Variants in SDHAF4 observed in about 807,000 individuals in gnomAD.
The protein encoded by SDHAF4 is succinate dehydrogenase assembly factor 4, mitochondrial.
SDHAF4 carries 14 observed loss-of-function variants against 14.3 expected under a neutral mutation model. The ratio of observed to expected loss-of-function variants is 0.98; its 90% confidence interval spans 0.65 to 1.53. The LOEUF (loss-of-function observed/expected upper bound fraction) is 1.53. Ranked by LOEUF, SDHAF4 falls within the 40% of genes most tolerant of loss-of-function variation. The pLI, the probability that SDHAF4 is intolerant of heterozygous loss-of-function variation, is 0.00. For synonymous variants in SDHAF4, 63 were observed against 47.3 expected (o/e 1.33, Z -1.36); for missense variants, 141 against 129.3 (o/e 1.09, Z -0.44).
intron 1 of SDHAF4, among the ~76,000 whole-genome samples, chr6:70,569,581 A>G (rs1802154599): frequency 6.6e-6 from 1 of 152,140 alleles, no homozygotes; most frequent in Admixed American, 6.5e-5. Context: ...TATATTCTTT[A>G]CATATATTTG....
At chr6:70,595,713 G>A in the SDHAF4 span, among the ~76,000 whole-genome samples, 9 of 151,886 alleles carry the variant, frequency 5.9e-5, no homozygotes, top group Non-Finnish European at 1.3e-4. Flanking sequence ...GCGCACGCCC[G>A]TAATCCCACA....
chr6:70,586,886 C>T (rs1163765659), intron 2 of SDHAF4, among the ~76,000 whole-genome samples: 1 of 152,062 alleles, frequency 6.6e-6, no homozygotes, highest in Non-Finnish European at 1.5e-5. Flanking sequence ...AGGGGCCAGG[C>T]GGCCGGGCAC....
chr6:70,594,465 T>C (rs185237044), downstream of SDHAF4, among the ~76,000 whole-genome samples: 1 of 152,300 alleles, frequency 6.6e-6, no homozygotes, highest in African/African-American at 2.4e-5. Flanking sequence ...TAGAAACACC[T>C]GAGCTAGCAC....
intron 2 of SDHAF4, among the ~76,000 whole-genome samples, chr6:70,587,264 T>C (rs1364266550): frequency 6.6e-6 from 1 of 150,752 alleles, no homozygotes; most frequent in Non-Finnish European, 1.5e-5. Flanking sequence ...CCAAGGTGGG[T>C]GGATCATTTG....
At chr6:70,570,458 G>C (rs1802164717) in intron 1 of SDHAF4, among the ~76,000 whole-genome samples, 1 of 152,080 alleles carries the variant, frequency 6.6e-6, no homozygotes, top group South Asian at 2.1e-4. Flanking sequence ...GAGTAGCTGG[G>C]ATTACTGGTG....
chr6:70,572,788 C>T (rs535976435), intron 1 of SDHAF4, among the ~76,000 whole-genome samples: 348 of 152,044 alleles, frequency 2.3e-3, no homozygotes, highest in African/African-American at 7.7e-3. Flanking sequence ...AATTACATTC[C>T]TCTGTTCAGA....
At chr6:70,591,147 A>G (rs1277914304), downstream of SDHAF4, among the ~76,000 whole-genome samples, 7 of 152,096 alleles carry the variant, frequency 4.6e-5, no homozygotes, top group East Asian at 1.3e-3. Flanking sequence ...ACCCCTACAG[A>G]CACATCCAGA....
chr6:70,582,562 TC>T (rs1765144809), intron 2 of SDHAF4, among the ~76,000 whole-genome samples: 1 of 152,122 alleles, frequency 6.6e-6, no homozygotes, highest in Non-Finnish European at 1.5e-5. Flanking sequence ...CCTTCGGCCC[TC>T]CCACCTGCCT....
intron 2 of SDHAF4, among the ~76,000 whole-genome samples, chr6:70,588,259 G>A (rs920350082): frequency 6.6e-6 from 1 of 152,206 alleles, no homozygotes; most frequent in African/African-American, 2.4e-5. Flanking sequence ...GGCGGCTCAC[G>A]CCTGTAATCC....
chr6:70,587,199 A>AC (rs1439822024), intron 2 of SDHAF4, among the ~76,000 whole-genome samples: 1 of 75,416 alleles, frequency 1.3e-5, no homozygotes, highest in Non-Finnish European at 2.7e-5. Context: ...CACACACACA[A>AC]GAATTAGGGG....
chr6:70,582,265 A>G (rs1171146213), intron 2 of SDHAF4, among the ~76,000 whole-genome samples: 2 of 151,556 alleles, frequency 1.3e-5, no homozygotes, highest in Non-Finnish European at 2.9e-5. Context: ...AGAGCTCAGT[A>G]TGTTGCCCAG....
chr6:70,579,642 G>A, intron 2 of SDHAF4, 76 bp downstream of exon 2: 4 of 1,268,186 alleles, frequency 3.2e-6, no homozygotes, highest in Admixed American at 2.7e-5. Flanking sequence ...ATGAGTGAAA[G>A]GAAAGAAATT....
intron 1 of SDHAF4, among the ~76,000 whole-genome samples, chr6:70,568,533 C>T (rs12203298): frequency 0.17 from 26,456 of 152,076 alleles, 2,397 homozygotes; most frequent in Middle Eastern, 0.21. Context: ...CACATTGACG[C>T]ATGAGGTTGT....
At chr6:70,570,313 A>G (rs1802162961) in intron 1 of SDHAF4, among the ~76,000 whole-genome samples, 1 of 152,112 alleles carries the variant, frequency 6.6e-6, no homozygotes. Flanking sequence ...GTGACAGTCT[A>G]GTTTCTCCCT....
intron 2 of SDHAF4, among the ~76,000 whole-genome samples, chr6:70,580,289 C>T (rs1373579405): frequency 1.3e-5 from 2 of 152,096 alleles, no homozygotes; most frequent in Non-Finnish European, 2.9e-5. Flanking sequence ...CTACTTCATA[C>T]CCACTAGGAT....
At chr6:70,580,479 G>A (rs1004911139) in intron 2 of SDHAF4, among the ~76,000 whole-genome samples, 2 of 152,146 alleles carry the variant, frequency 1.3e-5, no homozygotes, top group African/African-American at 4.8e-5. Flanking sequence ...ACTCTTAGGT[G>A]TGTATCTAAA....
In SDHAF4 at chr6:70,579,529, AC is replaced by A; in HGVS notation, c.182del (p.Pro61GlnfsTer6). 6.2e-7 allele frequency: 1 copy of A among 1,610,254 alleles called. No homozygotes were observed. Among genetic ancestry groups the A allele is most frequent in the Non-Finnish European group, 8.5e-7 (1 of 1,177,976 alleles). The stretch of plus-strand genomic sequence containing the variant: ...AGTTACCAGAAGGTCGTTTTGATGC[AC>A]CAGAGGATTCCCATTTAGAGAAAGA... ...PKLPEGRFDAPEDSHLEKEPL... is the reference protein window; with the variant it reads ...PKLPEGRFDAXEDSHLEKEPL... On this transcript the variant is annotated frameshift_variant, in exon 2 of 3. Coordinates refer to ENST00000370474, the MANE Select transcript of SDHAF4 (RefSeq NM_145267.3). LOFTEE classifies it high-confidence loss of function.
chr6:70,573,318 C>T (rs1802209581), intron 1 of SDHAF4, among the ~76,000 whole-genome samples: 1 of 132,618 alleles, frequency 7.5e-6, no homozygotes, highest in African/African-American at 3.1e-5. Flanking sequence ...GGCTGGAGTG[C>T]AGTGGCACAG....
Position 70,570,926 on chromosome 6 carries a change from G to A in SDHAF4, c.64+3922G>A, listed in dbSNP as rs866508093. On this transcript the variant is annotated intron_variant, in intron 1 of 2. Transcript: ENST00000370474. ...GTTTTTGTTAAAACTCTTTATTTTG[G>A]ATTTACATTTACTTACAGGATTTAA... 9.2e-5 allele frequency among the ~76,000 whole-genome samples: 14 copies of A among 151,624 alleles called. 1 individual carries two copies. In the Middle Eastern group the frequency reaches 0.01, roughly 111 times the overall value.
Sources: gnomAD v4.1 joint callset for allele counts (sites outside exome capture counted in the v4.1 genomes callset) on GRCh38, gnomAD v4.1.1 for gene constraint, MANE v1.5 for transcripts, NCBI Gene and HGNC (gene_info 2026-07-23, HGNC 2026-07-21) for gene names.